Variants in C6 observed in about 807,000 individuals in gnomAD.
C6 encodes the protein complement C6.
A neutral mutation model predicts 112.9 loss-of-function variants in C6; 101 were observed. That is an observed-to-expected ratio of 0.89 (90% CI 0.76 to 1.06). C6 has a LOEUF of 1.06. Among genes scored for constraint, C6 ranks in the 50% least tolerant of loss-of-function variants. The pLI is 0.00. For synonymous variants in C6, 431 were observed against 384.1 expected, an observed-to-expected ratio of 1.12 and a Z score of -1.43; for missense variants, 1,202 against 1,104.6, an observed-to-expected ratio of 1.09 and a Z score of -1.25.
At chr5:41,181,264 T>C in intron 7 of C6, 95 bp downstream of exon 7, 1 of 1,130,042 alleles carries the variant, frequency 8.8e-7, no homozygotes, top group Non-Finnish European at 1.3e-6. Flanking sequence ...GTCATACTGG[T>C]ACAATATCAA....
At chr5:41,204,405 C>T (rs1019775401) in intron 1 of C6, among the ~76,000 whole-genome samples, 3 of 152,164 alleles carry the variant, frequency 2.0e-5, no homozygotes, top group African/African-American at 7.2e-5. Flanking sequence ...GTTGGTCACA[C>T]ATTTTTAATA....
At chr5:41,167,065 T>C (rs1748037138) in intron 9 of C6, among the ~76,000 whole-genome samples, 1 of 152,088 alleles carries the variant, frequency 6.6e-6, no homozygotes, top group Non-Finnish European at 1.5e-5. Flanking sequence ...TGTTTTTATA[T>C]TTTCTTTATC....
rs867117168 is a variant in C6 at position 41,231,910 on chromosome 5, G to T, written c.-20-28660C>A. On this transcript the variant is annotated intron_variant, in intron 1 of 17. Transcript: ENST00000263413. ...AATACAGTTTTTTTTTTCTGGCACA[G>T]TTAGAGTAGTGACAAATAATACTGC... Among the ~76,000 whole-genome samples, 14 of 151,460 alleles carry T rather than the reference G, an allele frequency of 9.2e-5. No individual in the cohort carries two copies. In the South Asian group the frequency reaches 2.9e-3, roughly 32 times the overall value.
At chr5:41,196,973 A>T (rs13168926) in intron 4 of C6, among the ~76,000 whole-genome samples, 2 of 151,840 alleles carry the variant, frequency 1.3e-5, no homozygotes, top group Non-Finnish European at 2.9e-5. Context: ...CATCTGTACC[A>T]GTATGTACAG....
In C6 at chr5:41,142,859, AT is replaced by A; in HGVS notation, c.2770del (p.Met924TrpfsTer49). On this transcript the variant is annotated frameshift_variant, in exon 18 of 18. Coordinates refer to ENST00000337836, the MANE Select transcript of C6 (RefSeq NM_000065.5). LOFTEE classifies it high-confidence loss of function. ...VGTIRCANRK[M>X]EILHPGKCLA ...ACACTTTCCAGGATGCAGTATTTCC[AT>A]CTTCCTGTTTGCACATCTTATAGTT... The A allele has an allele frequency of 3.7e-6, 6 of 1,613,576 alleles. No homozygotes were observed. Among genetic ancestry groups the A allele is most frequent in the Non-Finnish European group, 5.1e-6 (6 of 1,179,666 alleles).
chr5:41,238,302 G>C (rs1436403096), intron 1 of C6, among the ~76,000 whole-genome samples: 3 of 147,666 alleles, frequency 2.0e-5, no homozygotes. Context: ...CAAAGCTGGA[G>C]GCATCACACT....
At chr5:41,186,300 C>A (rs768030813) in intron 5 of C6, 92 bp from the exon 6 acceptor site, 39 of 1,405,378 alleles carry the variant, frequency 2.8e-5, no homozygotes, top group Non-Finnish European at 3.5e-5. Context: ...TCTTCTAAAC[C>A]TTTTTGCCTC....
At chr5:41,169,344 C>T (rs755511016) in intron 9 of C6, among the ~76,000 whole-genome samples, 7 of 151,982 alleles carry the variant, frequency 4.6e-5, no homozygotes, top group Admixed American at 2.0e-4. Flanking sequence ...CACACACACA[C>T]GCACTCTTAA....
intron 6 of C6, among the ~76,000 whole-genome samples, chr5:41,182,933 G>A (rs1295523776): frequency 1.3e-5 from 2 of 152,228 alleles, no homozygotes; most frequent in South Asian, 2.1e-4. Flanking sequence ...TTAATCTGCT[G>A]TAAAAGAATT....
intron 1 of C6, among the ~76,000 whole-genome samples, chr5:41,257,546 T>G (rs893268709): frequency 6.6e-6 from 1 of 152,212 alleles, no homozygotes; most frequent in African/African-American, 2.4e-5. Context: ...GCAATAGGAC[T>G]GCTGGGTTGA....
At position 41,161,859 on chromosome 5, in the gene C6, C is replaced by A. The variant is rs745576343; in HGVS notation, c.1292G>T (p.Gly431Val). 1 of 1,613,184 alleles carries A rather than the reference C, an allele frequency of 6.2e-7. No homozygotes were observed. The highest frequency in any genetic ancestry group is 1.3e-5 in the African/African-American group (1 of 74,886). ...TTTCTCTGCTCCCTGTATAAATGAA[C>A]CTGCAAGGTGTTTCAATAAAAATGC... ...TTNKLSEKHEGSFIQGAEKSI... is the reference protein window; with the variant it reads ...TTNKLSEKHEVSFIQGAEKSI... The change falls in exon 10 of 18, where the codon GGT becomes GTT. Residue 431 changes from glycine to valine, a missense_variant and splice_region_variant. Physicochemically the swap from Gly to Val is moderately radical, Grantham distance 109. Coordinates refer to ENST00000337836, the MANE Select transcript of C6 (RefSeq NM_000065.5).
At chr5:41,215,253 G>A (rs144242163), upstream of C6, among the ~76,000 whole-genome samples, 42 of 152,254 alleles carry the variant, frequency 2.8e-4, no homozygotes, top group African/African-American at 9.9e-4. Flanking sequence ...AGCCTGAAAA[G>A]CCTAAAATAT....
Position 41,201,686 on chromosome 5 carries a change from C to T in C6, c.172G>A (p.Glu58Lys), listed in dbSNP as rs769744623. 6.2e-7 allele frequency: 1 copy of T among 1,613,620 alleles called. No individual in the cohort carries two copies. Among genetic ancestry groups the T allele is most frequent in the South Asian group, 1.1e-5 (1 of 91,064 alleles). The change falls in exon 3 of 18, where the codon GAA (glutamate) becomes AAA (lysine). Residue 58 changes from glutamate (E) to lysine (K), a missense_variant. Glu to Lys is a moderately conservative substitution (Grantham distance 56). Transcript: ENST00000337836. ...CTGCAAATCTGTTCACAAAAGTTTT[C>T]CTGGTAGTACTTATCTACTACTATT... ...RQIVVDKYYQ[E>K]NFCEQICSKQ... is the part of the protein sequence containing the mutation.
intron 1 of C6, among the ~76,000 whole-genome samples, chr5:41,243,680 T>C (rs908002853): frequency 2.6e-5 from 4 of 152,166 alleles, no homozygotes; most frequent in African/African-American, 9.6e-5. Flanking sequence ...CTCTCACTTC[T>C]ACACACCAAA....
chr5:41,157,907 G>A (rs1399553073), intron 13 of C6, among the ~76,000 whole-genome samples: 1 of 152,062 alleles, frequency 6.6e-6, no homozygotes, highest in Non-Finnish European at 1.5e-5. Flanking sequence ...GAAGATAAGT[G>A]AATATGGAAG....
intron 1 of C6, among the ~76,000 whole-genome samples, chr5:41,236,525 C>A: frequency 1.6e-5 from 2 of 126,656 alleles, no homozygotes; most frequent in African/African-American, 3.1e-5. Flanking sequence ...TCTTTGAAAC[C>A]AACGAGAACA....
chr5:41,251,637 C>T (rs1285007249), intron 1 of C6, among the ~76,000 whole-genome samples: 2 of 152,132 alleles, frequency 1.3e-5, no homozygotes, highest in Non-Finnish European at 2.9e-5. Context: ...GAAGTTTCTC[C>T]CAAGTTAAGA....
intron 3 of C6, 149 bp from the exon 4 acceptor site, chr5:41,200,061 T>C: frequency 1.3e-6 from 1 of 752,838 alleles, no homozygotes; most frequent in Non-Finnish European, 2.3e-6. Context: ...ATTCCATTAT[T>C]ATGCTCCCTT....
At chr5:41,257,221 T>C (rs1484642209) in intron 1 of C6, among the ~76,000 whole-genome samples, 1 of 152,140 alleles carries the variant, frequency 6.6e-6, no homozygotes, top group Non-Finnish European at 1.5e-5. Flanking sequence ...CCCATCTTTG[T>C]GTCCACGTGT....
Sources: gnomAD v4.1 joint callset for allele counts (sites outside exome capture counted in the v4.1 genomes callset) on GRCh38, gnomAD v4.1.1 for gene constraint, MANE v1.5 for transcripts, NCBI Gene and HGNC (gene_info 2026-07-23, HGNC 2026-07-21) for gene names.